ATP2B2: variants seen among roughly 807,000 people sequenced by gnomAD.
ATP2B2 encodes the protein ATPase plasma membrane Ca2+ transporting 2.
Under a neutral mutation model 120.0 loss-of-function variants are expected in ATP2B2, and 15 were observed. The observed-to-expected ratio is 0.12, with a 90% CI of 0.08 to 0.19. The LOEUF is 0.19. Among genes scored for constraint, ATP2B2 ranks in the 10% least tolerant of loss-of-function variants. The pLI is 1.00. For missense variants in ATP2B2, 1,045 were observed against 1,719.8 expected (o/e 0.61, Z 6.94); for synonymous variants, 694 against 700.3 (o/e 0.99, Z 0.14).
chr3:10,494,835 T>A (rs1029865924), intron 1 of ATP2B2, among the ~76,000 whole-genome samples: 3 of 152,060 alleles, frequency 2.0e-5, no homozygotes, highest in African/African-American at 7.2e-5. Context: ...TCTCGAATCA[T>A]CTCCACAATG....
intron 1 of ATP2B2, among the ~76,000 whole-genome samples, chr3:10,677,950 A>G (rs1346633885): frequency 1.3e-5 from 2 of 152,160 alleles, no homozygotes. Context: ...CCTAGGAAGC[A>G]GGTATTGTGG....
chr3:10,529,785 A>G (rs531312667), intron 3 of ATP2B2, among the ~76,000 whole-genome samples: 38 of 152,318 alleles, frequency 2.5e-4, no homozygotes, highest in African/African-American at 8.7e-4. Flanking sequence ...TGAGGCCACT[A>G]GAATGGGCCC....
chr3:10,469,999 G>A (rs953938177), intron 1 of ATP2B2, among the ~76,000 whole-genome samples: 17 of 152,014 alleles, frequency 1.1e-4, no homozygotes, highest in Non-Finnish European at 1.6e-4. Flanking sequence ...ATAGAACAGC[G>A]CAGCCCCCGT....
At position 10,683,154 on chromosome 3, in the gene ATP2B2, TA is replaced by T. The variant is rs1014408162; in HGVS notation, c.-460+24760del. Among the ~76,000 whole-genome samples, 91 of 149,718 alleles carry T rather than the reference TA, an allele frequency of 6.1e-4. 1 individual carries two copies. The highest frequency in any genetic ancestry group is 1.4e-3 in the East Asian group (7 of 5,158). ...TTCTTTTACTTTTTTATTTTTTAAT[TA>T]AAAAAAAATTTTTTTTTTTATTTTA... On this transcript the variant is annotated intron_variant, in intron 1 of 21. Transcript: ENST00000646379.
chr3:10,447,072 C>T (rs1345944635), intron 2 of ATP2B2, among the ~76,000 whole-genome samples: 3 of 152,214 alleles, frequency 2.0e-5, no homozygotes, highest in African/African-American at 7.2e-5. Flanking sequence ...CACTGCCCAC[C>T]AGCCTCACTA....
chr3:10,678,791 A>C (rs1344377354), intron 1 of ATP2B2, among the ~76,000 whole-genome samples: 2 of 152,216 alleles, frequency 1.3e-5, no homozygotes, highest in Non-Finnish European at 1.5e-5. Context: ...ATCATCCCCC[A>C]GATTCCCAGC....
chr3:10,340,837 T>G lies in ATP2B2; in HGVS notation c.2918-133A>C. ...AAGACATCAAGGCATGCTTGGACAG[T>G]GGGGGGCCAGGGCTGTGCTGTCAGC... is the stretch of plus-strand genomic sequence containing the variant. On this transcript the variant is annotated intron_variant, in intron 19 of 22. Coordinates refer to ENST00000360273, the MANE Select transcript of ATP2B2 (RefSeq NM_001001331.4). The surrounding 1 kb of genome is among the most constrained non-coding windows in gnomAD (Gnocchi z 5.0). 1 of 896,614 alleles carries G rather than the reference T, an allele frequency of 1.1e-6. No homozygotes were observed. Among genetic ancestry groups the G allele is most frequent in the Non-Finnish European group, 1.8e-6 (1 of 559,842 alleles). 55.5% of individuals were successfully genotyped at this position (896,614 alleles called of 1,614,324 possible).
chr3:10,698,138 C>T (rs973472775), intron 1 of ATP2B2, among the ~76,000 whole-genome samples: 45 of 152,200 alleles, frequency 3.0e-4, no homozygotes, highest in Admixed American at 1.9e-3. Flanking sequence ...GCTCATTCCT[C>T]GGCCATGATT....
chr3:10,504,760 C>T (rs543659777), intron 1 of ATP2B2, among the ~76,000 whole-genome samples: 37 of 152,282 alleles, frequency 2.4e-4, no homozygotes, highest in African/African-American at 8.7e-4. Context: ...CTGGAGACCA[C>T]TGAGGCTGGC....
At chr3:10,640,455 C>T (rs77790382) in intron 1 of ATP2B2, among the ~76,000 whole-genome samples, 1 of 152,324 alleles carries the variant, frequency 6.6e-6, no homozygotes, top group East Asian at 1.9e-4. Context: ...AAGGGCAAGG[C>T]ACTGGCTTGG....
chr3:10,643,136 T>G (rs1192845623), intron 1 of ATP2B2, among the ~76,000 whole-genome samples: 2 of 152,150 alleles, frequency 1.3e-5, no homozygotes, highest in Non-Finnish European at 2.9e-5. Context: ...CGCCAGCTTG[T>G]AAGGACTCCC....
intron 22 of ATP2B2, among the ~76,000 whole-genome samples, chr3:10,331,561 C>A (rs1246675705): frequency 6.6e-6 from 1 of 151,816 alleles, no homozygotes; most frequent in Admixed American, 6.6e-5. Flanking sequence ...CTGCTCTGGA[C>A]AAGACTGTGG....
chr3:10,489,695 C>T (rs1036115645), intron 1 of ATP2B2, among the ~76,000 whole-genome samples: 3 of 152,206 alleles, frequency 2.0e-5, no homozygotes, highest in Non-Finnish European at 4.4e-5. Context: ...CCATCCCATG[C>T]CCTGCTCTCC....
chr3:10,633,556 C>T (rs2069933263), intron 1 of ATP2B2, among the ~76,000 whole-genome samples: 1 of 152,172 alleles, frequency 6.6e-6, no homozygotes. Context: ...ATGCCTTCTT[C>T]TCTGATGGTA....
chr3:10,605,509 C>A (rs1205960489), intron 2 of ATP2B2, among the ~76,000 whole-genome samples: 2 of 152,180 alleles, frequency 1.3e-5, no homozygotes, highest in Non-Finnish European at 2.9e-5. Context: ...AACTGGGGAA[C>A]AGTTCTGGGA....
chr3:10,626,326 T>A (rs530253524), intron 1 of ATP2B2: 1 of 152,346 alleles, frequency 6.6e-6, no homozygotes, highest in East Asian at 1.9e-4. Context: ...GGCCAGGATG[T>A]GAATGTCTCT....
intron 1 of ATP2B2, among the ~76,000 whole-genome samples, chr3:10,685,481 G>A (rs1006759425): frequency 5.9e-5 from 9 of 152,146 alleles, no homozygotes; most frequent in East Asian, 3.9e-4. Flanking sequence ...CTTGGCTAAA[G>A]GTCTCCTCAC....
At chr3:10,617,816 C>A (rs1008885325) in intron 2 of ATP2B2, among the ~76,000 whole-genome samples, 1 of 151,686 alleles carries the variant, frequency 6.6e-6, no homozygotes, top group African/African-American at 2.4e-5. Context: ...ACCAGGAAGA[C>A]GCAAAGCTGG....
At chr3:10,639,906 A>G (rs1161827671) in intron 1 of ATP2B2, among the ~76,000 whole-genome samples, 1 of 152,202 alleles carries the variant, frequency 6.6e-6, no homozygotes. Context: ...GTCCCTAGAG[A>G]TCAGCATCCC....
Sources: allele counts gnomAD v4.1 joint callset (sites outside exome capture counted in the v4.1 genomes callset), GRCh38; gene constraint gnomAD v4.1.1; non-coding constraint Gnocchi (gnomAD v3.1); transcripts MANE v1.5; gene names NCBI Gene and HGNC (gene_info 2026-07-23, HGNC 2026-07-21).